The following CDH26 variants were observed in gnomAD, a reference collection of about 807,000 sequenced individuals.
CDH26 encodes the protein cadherin 26, also known as cadherin-like protein 26.
CDH26 carries 83 observed loss-of-function variants against 90.3 expected under a neutral mutation model. The observed-to-expected ratio is 0.92, with a 90% CI of 0.77 to 1.10. The LOEUF is 1.10. Among genes scored for constraint, CDH26 ranks in the 50% least tolerant of loss-of-function variants. CDH26 has a pLI of 0.00. For missense variants in CDH26, 1,013 were observed against 1,037.6 expected, an observed-to-expected ratio of 0.98 and a Z score of 0.33; for synonymous variants, 397 against 396.3, an observed-to-expected ratio of 1.00 and a Z score of -0.02.
chr20:59,983,539 G>A (rs1482609989), intron 5 of CDH26, among the ~76,000 whole-genome samples: 1 of 152,070 alleles, frequency 6.6e-6, no homozygotes, highest in African/African-American at 2.4e-5. Context: ...TCCAAGAAAT[G>A]AAAAGACTGA....
At chr20:60,024,290 G>A (rs1264203120) in intron 7 of CDH26, among the ~76,000 whole-genome samples, 1 of 152,188 alleles carries the variant, frequency 6.6e-6, no homozygotes, top group Non-Finnish European at 1.5e-5. Context: ...CGGCAGGGGA[G>A]ATAATAGTAG....
intron 7 of CDH26, among the ~76,000 whole-genome samples, chr20:60,021,885 CACACACACACACAT>C (rs1300543577): frequency 2.4e-4 from 13 of 53,364 alleles, no homozygotes; most frequent in South Asian, 2.2e-3. Context: ...CACACACACA[CACACACACACACAT>C]ATATATATAT....
chr20:59,979,506 C>T (rs2061368094), intron 4 of CDH26, among the ~76,000 whole-genome samples: 1 of 144,670 alleles, frequency 6.9e-6, no homozygotes, highest in East Asian at 2.0e-4. Flanking sequence ...CGAGTTTGTT[C>T]TGTTTTATCG....
chr20:60,025,499 A>G (rs1464383005), intron 7 of CDH26, among the ~76,000 whole-genome samples: 1 of 152,058 alleles, frequency 6.6e-6, no homozygotes, highest in Non-Finnish European at 1.5e-5. Flanking sequence ...TTGAGCTTGG[A>G]TTTGATTTTT....
intron 3 of CDH26, 118 bp downstream of exon 3, chr20:59,970,304 G>C: frequency 7.4e-7 from 1 of 1,345,014 alleles, no homozygotes; most frequent in Non-Finnish European, 9.9e-7. Context: ...GAGTGAAGTA[G>C]AGCAGAAGGA....
intron 12 of CDH26, 182 bp from the exon 13 acceptor site, chr20:59,996,449 G>C (rs1286425759): frequency 1.2e-6 from 2 of 1,600,124 alleles, no homozygotes; most frequent in African/African-American, 2.7e-5. Context: ...TCAACAAACA[G>C]TTATGTAGCA....
At chr20:60,034,807 C>T (rs994398725), downstream of CDH26, among the ~76,000 whole-genome samples, 2 of 152,174 alleles carry the variant, frequency 1.3e-5, no homozygotes, top group African/African-American at 4.8e-5. Flanking sequence ...GATGGGTTGG[C>T]GACTGAACAC....
Position 59,996,220 on chromosome 20 carries a change from G to C in CDH26, c.1888+166G>C, listed in dbSNP as rs919674933. ...GGCTCCTAGATGTAGATCAGAGGTT[G>C]CCATGCTGGCCAGGCAAGATCCCTG... On this transcript the variant is annotated intron_variant, in intron 12 of 17. Coordinates refer to ENST00000348616, the MANE Select transcript of CDH26 (RefSeq NM_177980.4). The C allele has an allele frequency of 7.2e-6, 7 of 969,160 alleles. No homozygotes were observed. The African/African-American group carries it at 9.9e-5, about 14-fold the overall frequency. The allele number at this position is 969,160 out of a possible 1,614,324, so 60.0% of individuals were successfully genotyped here. A position where few individuals can be genotyped will look rare whatever the true frequency, so the allele number is the denominator to read the frequency against.
At chr20:60,003,244 C>A (rs77469385) in intron 16 of CDH26, among the ~76,000 whole-genome samples, 5,424 of 152,078 alleles carry the variant, frequency 0.036, 188 homozygotes, top group African/African-American at 0.085. Flanking sequence ...CACCAGAATT[C>A]TTCTTTTCAA....
intron 13 of CDH26, among the ~76,000 whole-genome samples, chr20:59,998,229 C>G (rs2061626075): frequency 6.6e-6 from 1 of 152,192 alleles, no homozygotes; most frequent in Non-Finnish European, 1.5e-5. Flanking sequence ...GTTCCCAGTC[C>G]CAGGAGCTGT....
At chr20:59,961,097 C>A (rs1160456637) in intron 1 of CDH26, among the ~76,000 whole-genome samples, 1 of 152,186 alleles carries the variant, frequency 6.6e-6, no homozygotes, top group Non-Finnish European at 1.5e-5. Context: ...ATTTGATCTC[C>A]AATACTTCAC....
chr20:59,964,776 C>T (rs924232191), intron 1 of CDH26, among the ~76,000 whole-genome samples: 13 of 152,100 alleles, frequency 8.5e-5, no homozygotes, highest in African/African-American at 2.7e-4. Context: ...TCAACTGTGC[C>T]GTTTATGTCT....
At position 60,026,987 on chromosome 20, in the gene CDH26, G is replaced by A. The variant is rs546725404; in HGVS notation, c.948-4244G>A. ...AGTGATATGGCGACTATTGGTATGC[G>A]GCTCCTGCAAGAAGGCTGGAGAAGA... On this transcript the variant is annotated intron_variant, in intron 7 of 8. Transcript: ENST00000370991. Among the ~76,000 whole-genome samples, 24 of 152,300 alleles carry A rather than the reference G, an allele frequency of 1.6e-4. No individual in the cohort carries two copies. In the East Asian group the frequency reaches 1.9e-3, roughly 12 times the overall value.
At chr20:60,005,586 A>G (rs1345450496) in intron 16 of CDH26, among the ~76,000 whole-genome samples, 1 of 152,172 alleles carries the variant, frequency 6.6e-6, no homozygotes, top group Non-Finnish European at 1.5e-5. Flanking sequence ...GTCTTCTGGA[A>G]CCCAATAAGT....
chr20:60,010,761 G>A (rs2061825551), intron 17 of CDH26, among the ~76,000 whole-genome samples: 1 of 152,200 alleles, frequency 6.6e-6, no homozygotes, highest in African/African-American at 2.4e-5. Flanking sequence ...TTTGGAGGGA[G>A]AAAGCCATGG....
At chr20:59,976,628 T>C (rs2145979077) in intron 4 of CDH26, among the ~76,000 whole-genome samples, 1 of 152,214 alleles carries the variant, frequency 6.6e-6, no homozygotes, top group Non-Finnish European at 1.5e-5. Context: ...GAAAGCCAAT[T>C]TATTTGCACA....
At chr20:59,988,451 G>C (rs1003243101) in intron 8 of CDH26, among the ~76,000 whole-genome samples, 2 of 152,198 alleles carry the variant, frequency 1.3e-5, no homozygotes, top group Non-Finnish European at 2.9e-5. Flanking sequence ...GAATAGCAAG[G>C]CTCTGTAGAC....
chr20:59,988,691 AGAG>A (rs2061487887), intron 8 of CDH26, among the ~76,000 whole-genome samples: 1 of 152,164 alleles, frequency 6.6e-6, no homozygotes, highest in Non-Finnish European at 1.5e-5. Context: ...TTCAACCAGC[AGAG>A]GAGGAGGGAA....
chr20:59,969,060 C>G, intron 2 of CDH26, 37 bp downstream of exon 2: 1 of 1,308,894 alleles, frequency 7.6e-7, no homozygotes, highest in South Asian at 1.2e-5. Flanking sequence ...TATATAAAAT[C>G]AGTCTCTACA....
Sources: gnomAD v4.1 joint callset for allele counts (sites outside exome capture counted in the v4.1 genomes callset) on GRCh38, gnomAD v4.1.1 for gene constraint, MANE v1.5 for transcripts, NCBI Gene and HGNC (gene_info 2026-07-23, HGNC 2026-07-21) for gene names.